Variants in CACNA2D1 observed in about 807,000 individuals in gnomAD.
CACNA2D1 encodes the protein calcium voltage-gated channel auxiliary subunit alpha2delta 1.
In CACNA2D1, 53 loss-of-function variants were observed where a neutral mutation model predicts 171.5. The ratio of observed to expected loss-of-function variants is 0.31; its 90% CI spans 0.25 to 0.39. The LOEUF (loss-of-function observed/expected upper bound fraction) is 0.39, where lower values mean the gene tolerates loss of function less well. CACNA2D1 is among the 10% of genes least tolerant of loss of function. CACNA2D1 has a pLI of 1.00. For missense variants in CACNA2D1, 903 were observed against 1,299.8 expected (o/e 0.69, Z 4.69); for synonymous variants, 442 against 443.1 (o/e 1.00, Z 0.03).
At chr7:82,057,578 A>G (rs992603137) in intron 10 of CACNA2D1, among the ~76,000 whole-genome samples, 3 of 145,310 alleles carry the variant, frequency 2.1e-5, no homozygotes, top group Non-Finnish European at 4.6e-5. Flanking sequence ...AAAAAAAAAA[A>G]TAAGTGATGC....
At chr7:81,969,734 T>G (rs1238635142) in intron 28 of CACNA2D1, 147 bp downstream of exon 28, 2 of 623,484 alleles carry the variant, frequency 3.2e-6, no homozygotes, top group Non-Finnish European at 5.7e-6. Flanking sequence ...TTTTCTATTT[T>G]CCTAATGCCT....
chr7:82,009,632 G>T (rs1799526129), intron 15 of CACNA2D1, among the ~76,000 whole-genome samples: 1 of 151,866 alleles, frequency 6.6e-6, no homozygotes, highest in South Asian at 2.1e-4. Flanking sequence ...CATTTATACT[G>T]CATACCATAA....
chr7:82,308,906 C>G (rs558950323), intron 3 of CACNA2D1, among the ~76,000 whole-genome samples: 29 of 152,268 alleles, frequency 1.9e-4, no homozygotes, highest in African/African-American at 6.7e-4. Flanking sequence ...CTAACAGTTG[C>G]ATAGGGCAAT....
At chr7:82,180,103 A>G (rs749923991) in intron 3 of CACNA2D1, among the ~76,000 whole-genome samples, 1 of 152,170 alleles carries the variant, frequency 6.6e-6, no homozygotes, top group Non-Finnish European at 1.5e-5. Flanking sequence ...TGCATGTCAC[A>G]TGAACAGAGG....
intron 6 of CACNA2D1, among the ~76,000 whole-genome samples, chr7:82,091,176 A>G (rs1451460994): frequency 6.6e-6 from 1 of 152,178 alleles, no homozygotes; most frequent in Admixed American, 6.5e-5. Context: ...ATCTCATCTA[A>G]TCCCAGTGTA....
intron 4 of CACNA2D1, among the ~76,000 whole-genome samples, chr7:82,169,471 G>A (rs1795799634): frequency 6.6e-6 from 1 of 151,958 alleles, no homozygotes; most frequent in African/African-American, 2.4e-5. Context: ...GTGATAAACA[G>A]TAAAAATAAA....
intron 4 of CACNA2D1, among the ~76,000 whole-genome samples, chr7:82,162,082 A>G (rs540467487): frequency 2.0e-4 from 30 of 152,182 alleles, no homozygotes; most frequent in African/African-American, 7.2e-4. Context: ...GTGAAGATAA[A>G]TAGAACATGC....
At chr7:82,052,515 G>A (rs1252687126) in intron 10 of CACNA2D1, among the ~76,000 whole-genome samples, 1 of 152,104 alleles carries the variant, frequency 6.6e-6, no homozygotes, top group Non-Finnish European at 1.5e-5. Flanking sequence ...TTACCAGAAT[G>A]TTGCATAAGA....
intron 1 of CACNA2D1, among the ~76,000 whole-genome samples, chr7:82,353,916 T>A (rs1820133232): frequency 6.6e-6 from 1 of 152,030 alleles, no homozygotes; most frequent in Non-Finnish European, 1.5e-5. Flanking sequence ...CACCCCCAAA[T>A]AGGGCACCTT....
intron 38 of CACNA2D1, among the ~76,000 whole-genome samples, chr7:81,955,980 A>ATTTT (rs1164601123): frequency 3.2e-4 from 11 of 34,548 alleles, no homozygotes; most frequent in Admixed American, 1.1e-3. Context: ...ATATATATAT[A>ATTTT]TTTTTTTTTT....
intron 5 of CACNA2D1, among the ~76,000 whole-genome samples, chr7:82,130,075 T>G (rs1389835560): frequency 1.3e-5 from 2 of 152,234 alleles, no homozygotes; most frequent in African/African-American, 4.8e-5. Context: ...GTTCTTAAAC[T>G]ATACTTCAGA....
chr7:81,966,973 T>C lies in CACNA2D1; in HGVS notation c.2502+196A>G, dbSNP rs1285877681. Among the ~76,000 whole-genome samples the C allele has an allele frequency of 2.0e-5, 3 of 151,554 alleles. No individual in the cohort carries two copies. The East Asian group carries it at 5.8e-4, about 29-fold the overall frequency. On this transcript the variant is annotated intron_variant, in intron 31 of 38. Coordinates refer to ENST00000356860, the MANE Select transcript of CACNA2D1 (RefSeq NM_000722.4). ...TTTTTACCTTCCAAGGATACATACATATTTTTAAAAATTCAAGCACTTTAC... is the reference window on the plus strand; with the variant it reads ...TTTTTACCTTCCAAGGATACATACACATTTTTAAAAATTCAAGCACTTTAC...
At chr7:82,208,511 T>C (rs947492585) in intron 3 of CACNA2D1, among the ~76,000 whole-genome samples, 16 of 152,176 alleles carry the variant, frequency 1.1e-4, no homozygotes, top group African/African-American at 3.9e-4. Flanking sequence ...CTTCCCAATG[T>C]GTTTTTAAAC....
At chr7:82,217,396 TATATATATATATATATATA>T (rs1363473775) in intron 3 of CACNA2D1, among the ~76,000 whole-genome samples, 1 of 18,094 alleles carries the variant, frequency 5.5e-5, no homozygotes, top group East Asian at 4.8e-3. Flanking sequence ...CACACATACA[TATATATATATATATATATA>T]TATATATATA....
intron 1 of CACNA2D1, among the ~76,000 whole-genome samples, chr7:82,361,652 A>T (rs1335610541): frequency 6.6e-6 from 1 of 152,182 alleles, no homozygotes; most frequent in Non-Finnish European, 1.5e-5. Context: ...CAGAAAAAGC[A>T]CTTTGTATAA....
chr7:82,339,499 A>G (rs948596377), intron 2 of CACNA2D1, among the ~76,000 whole-genome samples: 3 of 152,200 alleles, frequency 2.0e-5, no homozygotes, highest in African/African-American at 7.2e-5. Context: ...GAAATATTCT[A>G]ATGTATGGCC....
chr7:82,382,938 T>TA (rs2129449565), intron 1 of CACNA2D1, among the ~76,000 whole-genome samples: 1 of 152,322 alleles, frequency 6.6e-6, no homozygotes, highest in Non-Finnish European at 1.5e-5. Context: ...ACAGAACACT[T>TA]ACTAAGTTTC....
intron 19 of CACNA2D1, among the ~76,000 whole-genome samples, chr7:81,996,514 G>A (rs112672681): frequency 6.6e-6 from 1 of 151,718 alleles, no homozygotes; most frequent in African/African-American, 2.4e-5. Flanking sequence ...ATTAGCTGAA[G>A]AACTGTAGAG....
chr7:82,345,560 A>G (rs1819143896), intron 2 of CACNA2D1, among the ~76,000 whole-genome samples: 1 of 152,192 alleles, frequency 6.6e-6, no homozygotes, highest in Admixed American at 6.5e-5. Flanking sequence ...AATGGTAAAC[A>G]TTTCATTAAC....
Sources: gnomAD v4.1 joint callset for allele counts (sites outside exome capture counted in the v4.1 genomes callset) on GRCh38, gnomAD v4.1.1 for gene constraint, MANE v1.5 for transcripts, NCBI Gene and HGNC (gene_info 2026-07-23, HGNC 2026-07-21) for gene names.